Variants in IL4I1 observed in about 807,000 individuals in gnomAD.
IL4I1 encodes the protein L-amino-acid oxidase.
IL4I1 carries 24 observed loss-of-function variants against 29.7 expected under a neutral mutation model. That is an observed-to-expected ratio of 0.81 (90% CI 0.59 to 1.14). The LOEUF is 1.14. Ranked by LOEUF, IL4I1 falls within the 50% of genes most tolerant of loss-of-function variation. The pLI is 0.00. For missense variants in IL4I1, 686 were observed against 785.6 expected, an observed-to-expected ratio of 0.87 and a Z score of 1.52; for synonymous variants, 371 against 352.5, an observed-to-expected ratio of 1.05 and a Z score of -0.59.
intron 2 of IL4I1, among the ~76,000 whole-genome samples, chr19:49,914,732 T>C (rs1188847854): frequency 1.0e-5 from 1 of 97,722 alleles, no homozygotes; most frequent in Non-Finnish European, 2.0e-5. Context: ...CCCAGTTTTT[T>C]TTTTTTTTTT....
chr19:49,894,568 G>T, intron 4 of IL4I1, 99 bp from the exon 5 acceptor site: 1 of 874,332 alleles, frequency 1.1e-6, no homozygotes, highest in East Asian at 3.1e-5. Flanking sequence ...AGAGTAGCTG[G>T]GGACCAGCAT....
intron 2 of IL4I1, among the ~76,000 whole-genome samples, chr19:49,925,988 AT>A (rs2075876654): frequency 1.3e-5 from 2 of 152,134 alleles, no homozygotes; most frequent in South Asian, 4.2e-4. Flanking sequence ...AGGCAGGCAG[AT>A]CACGAGGTCA....
intron 2 of IL4I1, among the ~76,000 whole-genome samples, chr19:49,912,392 C>T (rs751718913): frequency 2.0e-5 from 3 of 152,188 alleles, no homozygotes; most frequent in African/African-American, 7.2e-5. Flanking sequence ...TGGTCTTGAA[C>T]TCCTGACCTC....
chr19:49,902,219 C>G (rs932192136), intron 3 of IL4I1, among the ~76,000 whole-genome samples: 1 of 152,130 alleles, frequency 6.6e-6, no homozygotes, highest in African/African-American at 2.4e-5. Context: ...GGGCTGGTCT[C>G]GAACTCCTGA....
rs193034186 is a variant in IL4I1 at position 49,896,597 on chromosome 19, C to T, written c.-23+238G>A. On this transcript the variant is annotated intron_variant, in intron 1 of 7. Transcript: ENST00000391826. ...TACAGACACCCATAACCAAACCTGG[C>T]TAATTTTTGTATTTTTAGTAGAGAC... 3.9e-3 allele frequency among the ~76,000 whole-genome samples: 588 copies of T among 152,222 alleles called. 3 individuals carry two copies. Among genetic ancestry groups the T allele is most frequent in the Non-Finnish European group, 6.6e-3 (450 of 68,004 alleles).
At chr19:49,902,300 C>A (rs2075278102) in intron 3 of IL4I1, among the ~76,000 whole-genome samples, 1 of 151,898 alleles carries the variant, frequency 6.6e-6, no homozygotes, top group African/African-American at 2.4e-5. Flanking sequence ...TGCACCTGAC[C>A]ATGTTTTGCT....
At chr19:49,909,493 G>C in intron 2 of IL4I1, 1 of 1,614,160 alleles carries the variant, frequency 6.2e-7, no homozygotes, top group Non-Finnish European at 8.5e-7. Context: ...CCATGGCTGG[G>C]GTGGCAGCTG....
chr19:49,923,952 C>T (rs2075823556), intron 2 of IL4I1, among the ~76,000 whole-genome samples: 1 of 152,256 alleles, frequency 6.6e-6, no homozygotes, highest in South Asian at 2.1e-4. Context: ...CCCGGTCTGT[C>T]TGATGCAAAA....
intron 2 of IL4I1, chr19:49,908,015 A>AAAGCCACAG (rs1467537130): frequency 3.3e-6 from 3 of 914,904 alleles, no homozygotes; most frequent in Non-Finnish European, 4.8e-6. Context: ...TACTCAAATG[A>AAAGCCACAG]AAGCCACAGA....
chr19:49,912,102 C>A (rs1474327939), intron 2 of IL4I1, among the ~76,000 whole-genome samples: 1 of 151,400 alleles, frequency 6.6e-6, no homozygotes, highest in Non-Finnish European at 1.5e-5. Context: ...AAGCTCTTTG[C>A]AACTATGAAA....
intron 2 of IL4I1, chr19:49,909,858 T>C: frequency 1.3e-6 from 2 of 1,583,300 alleles, no homozygotes; most frequent in South Asian, 2.2e-5. Context: ...AGCAAATCCG[T>C]CGGTGTCTGC....
At chr19:49,891,349 G>A in intron 6 of IL4I1, 56 bp downstream of exon 6, 2 of 1,568,172 alleles carry the variant, frequency 1.3e-6, no homozygotes, top group Admixed American at 1.7e-5. Context: ...TCTGGGGAAG[G>A]CCTCATGGTC....
chr19:49,920,118 C>G (rs899170646), intron 2 of IL4I1, among the ~76,000 whole-genome samples: 2 of 151,538 alleles, frequency 1.3e-5, no homozygotes, highest in African/African-American at 4.9e-5. Flanking sequence ...GAGTCTCACT[C>G]TGTCATCAGG....
chr19:49,899,063 T>C (rs2075247043), upstream of IL4I1, among the ~76,000 whole-genome samples: 1 of 152,250 alleles, frequency 6.6e-6, no homozygotes, highest in Admixed American at 6.5e-5. Flanking sequence ...GATTGGGGCC[T>C]TATTCGCCTG....
At position 49,890,520 on chromosome 19, in the gene IL4I1, G is replaced by A. The variant is rs777324992; in HGVS notation, c.854C>T (p.Ala285Val). 4 of 1,609,542 alleles carry A rather than the reference G, an allele frequency of 2.5e-6. No individual in the cohort carries two copies. Among genetic ancestry groups the A allele is most frequent in the Non-Finnish European group, 3.4e-6 (4 of 1,179,478 alleles). Residue 285 changes from alanine to valine, a missense_variant, in exon 8 of 8, where the codon GCG becomes GTG. Ala to Val is a moderately conservative substitution (Grantham distance 64). Transcript: ENST00000391826. ...TCCCTGGGTCATCGCCACCACGGGC[G>A]CGTTCAACAGCACAAGCCCGGACAG... The part of the protein sequence containing the change: ...SSLSGLVLLN[A>V]PVVAMTQGPH...
At chr19:49,898,574 G>A (rs1287132857), upstream of IL4I1, among the ~76,000 whole-genome samples, 6 of 152,046 alleles carry the variant, frequency 3.9e-5, no homozygotes, top group East Asian at 1.2e-3. Flanking sequence ...GCCTCACAAT[G>A]CCTGCATTTG....
At chr19:49,908,224 C>T (rs761632740) in intron 2 of IL4I1, 2 of 1,611,760 alleles carry the variant, frequency 1.2e-6, no homozygotes, top group Admixed American at 1.7e-5. Flanking sequence ...CTGCGGGCCC[C>T]AGGGCTGCTG....
intron 2 of IL4I1, among the ~76,000 whole-genome samples, chr19:49,926,886 C>T (rs1186194025): frequency 6.9e-6 from 1 of 145,738 alleles, no homozygotes; most frequent in Non-Finnish European, 1.5e-5. Context: ...GACGAGGTCT[C>T]ACTCTGTCAC....
chr19:49,894,328 G>A lies in IL4I1; in HGVS notation c.507C>T (p.Ala169=). 6.2e-7 allele frequency: 1 copy of A among 1,614,234 alleles called. No homozygotes were observed. Among genetic ancestry groups the A allele is most frequent in the Non-Finnish European group, 8.5e-7 (1 of 1,180,054 alleles). Residue 169 remains alanine, a synonymous_variant, in exon 5 of 8, where the codon GCC becomes GCT. Transcript: ENST00000391826. The part of the protein sequence containing the change: ...VEKVPEKLGY[A]LRPQEKGHSP... ...AGTGGCCCTTTTCCTGGGGACGCAA[G>A]GCGTAGCCCAGCTTCTCGGGCACCT...
Sources: gnomAD v4.1 joint callset for allele counts (sites outside exome capture counted in the v4.1 genomes callset) on GRCh38, gnomAD v4.1.1 for gene constraint, MANE v1.5 for transcripts, NCBI Gene and HGNC (gene_info 2026-07-23, HGNC 2026-07-21) for gene names.